The following L3MBTL4 variants were observed in gnomAD, a reference collection of about 807,000 sequenced individuals.
L3MBTL4 encodes the protein lethal(3)malignant brain tumor-like protein 4.
Under a neutral mutation model 84.5 loss-of-function variants are expected in L3MBTL4, and 70 were observed. The ratio of observed to expected loss-of-function variants is 0.83; its 90% CI spans 0.68 to 1.01. The LOEUF is 1.01. L3MBTL4 is among the 50% of genes least tolerant of loss of function. The pLI is 0.00. For synonymous variants in L3MBTL4, 274 were observed against 259.8 expected, an observed-to-expected ratio of 1.05 and a Z score of -0.52; for missense variants, 715 against 754.8, an observed-to-expected ratio of 0.95 and a Z score of 0.62.
At chr18:6,027,386 A>G (rs1215570414) in intron 16 of L3MBTL4, among the ~76,000 whole-genome samples, 1 of 152,228 alleles carries the variant, frequency 6.6e-6, no homozygotes, top group African/African-American at 2.4e-5. Flanking sequence ...TTATGGGTGC[A>G]TAGTATTCCA....
At chr18:6,401,411 C>T (rs2055505595) in intron 1 of L3MBTL4, among the ~76,000 whole-genome samples, 1 of 152,124 alleles carries the variant, frequency 6.6e-6, no homozygotes, top group South Asian at 2.1e-4. Flanking sequence ...CCTTGTTGCT[C>T]CTTACAGCAT....
chr18:6,219,613 T>C (rs1283417980), intron 10 of L3MBTL4, among the ~76,000 whole-genome samples: 17 of 151,186 alleles, frequency 1.1e-4, no homozygotes. Context: ...CAGCCCTGGA[T>C]TTCCTCATGG....
chr18:6,383,266 C>G (rs1401173091), intron 1 of L3MBTL4, among the ~76,000 whole-genome samples: 14 of 152,098 alleles, frequency 9.2e-5, no homozygotes, highest in African/African-American at 3.4e-4. Flanking sequence ...GTAGGACCTG[C>G]TGAGCCAGAC....
intron 10 of L3MBTL4, among the ~76,000 whole-genome samples, chr18:6,233,364 A>C (rs1373896772): frequency 6.7e-6 from 1 of 149,830 alleles, no homozygotes; most frequent in African/African-American, 2.6e-5. Flanking sequence ...CAATTAGGAA[A>C]AGAGGAAGGC....
chr18:6,195,465 GT>G (rs755706840), intron 12 of L3MBTL4, among the ~76,000 whole-genome samples: 6 of 152,198 alleles, frequency 3.9e-5, no homozygotes, highest in Non-Finnish European at 5.9e-5. Context: ...AGAGTTGTGT[GT>G]GGCTCGCGGA....
chr18:6,114,571 T>C (rs1439205859), intron 14 of L3MBTL4, among the ~76,000 whole-genome samples: 1 of 152,218 alleles, frequency 6.6e-6, no homozygotes, highest in Non-Finnish European at 1.5e-5. Context: ...CACAGCAATA[T>C]TTCAACCAAT....
intron 16 of L3MBTL4, among the ~76,000 whole-genome samples, chr18:5,977,627 C>T (rs2053009347): frequency 6.6e-6 from 1 of 152,246 alleles, no homozygotes; most frequent in Non-Finnish European, 1.5e-5. Flanking sequence ...GGAAGGAGCT[C>T]AGCCTCCAGC....
At chr18:6,412,378 A>C (rs2056003275) in intron 1 of L3MBTL4, among the ~76,000 whole-genome samples, 1 of 152,206 alleles carries the variant, frequency 6.6e-6, no homozygotes, top group Non-Finnish European at 1.5e-5. Context: ...ATTAACTGAA[A>C]GAATGAACAC....
chr18:6,029,464 G>T, intron 16 of L3MBTL4: 1 of 973,396 alleles, frequency 1.0e-6, no homozygotes, highest in South Asian at 4.8e-5. Flanking sequence ...AGAGATTACA[G>T]TGGCAGGATT....
At chr18:6,212,686 T>C (rs2046160244) in intron 12 of L3MBTL4, among the ~76,000 whole-genome samples, 1 of 152,160 alleles carries the variant, frequency 6.6e-6, no homozygotes, top group Non-Finnish European at 1.5e-5. Context: ...TCAAGCGAAA[T>C]AGAATAATGC....
chr18:6,031,000 C>A (rs1203065612), intron 16 of L3MBTL4: 1 of 985,298 alleles, frequency 1.0e-6, no homozygotes, highest in Non-Finnish European at 1.2e-6. Context: ...TTTCCCTTTA[C>A]CAAGCTGGTC....
intron 1 of L3MBTL4, among the ~76,000 whole-genome samples, chr18:6,327,380 A>C (rs1490358414): frequency 6.6e-6 from 1 of 152,244 alleles, no homozygotes; most frequent in Non-Finnish European, 1.5e-5. Flanking sequence ...TCAGTAGGAA[A>C]ATGAATAAAT....
At chr18:6,264,297 A>C (rs1453725099) in intron 4 of L3MBTL4, among the ~76,000 whole-genome samples, 1 of 152,164 alleles carries the variant, frequency 6.6e-6, no homozygotes, top group Non-Finnish European at 1.5e-5. Flanking sequence ...GTGAACTCTC[A>C]AGTTAGGTAC....
intron 16 of L3MBTL4, among the ~76,000 whole-genome samples, chr18:6,010,115 TCAA>T (rs1233903808): frequency 6.6e-6 from 1 of 152,010 alleles, no homozygotes; most frequent in Non-Finnish European, 1.5e-5. Context: ...GACTGGATGT[TCAA>T]CAAGGTGCGA....
intron 14 of L3MBTL4, among the ~76,000 whole-genome samples, chr18:6,131,830 C>T (rs920515480): frequency 1.3e-5 from 2 of 152,086 alleles, no homozygotes; most frequent in African/African-American, 4.8e-5. Flanking sequence ...TCTTTTAGAG[C>T]TATATAAATT....
chr18:5,964,862 C>T (rs1033452838), intron 17 of L3MBTL4, among the ~76,000 whole-genome samples: 1 of 152,180 alleles, frequency 6.6e-6, no homozygotes, highest in Non-Finnish European at 1.5e-5. Flanking sequence ...AACCCACCTG[C>T]CTATTCATTC....
rs564895620 is a variant in L3MBTL4 at position 6,286,985 on chromosome 18, T to A, written c.127+14918A>T. ...AGATTGAGGCTTCAGTGAAGGAACT[T>A]TTCCCCTTCAGTTGGATAAGGCAGC... On this transcript the variant is annotated intron_variant, in intron 4 of 18. Transcript: ENST00000317931. Among the ~76,000 whole-genome samples, 12 of 152,298 alleles carry A rather than the reference T, an allele frequency of 7.9e-5. No individual in the cohort carries two copies. In the East Asian group the frequency reaches 2.1e-3, roughly 27 times the overall value.
chr18:6,044,908 T>C lies in L3MBTL4; in HGVS notation c.1444+35973A>G, dbSNP rs571491899. ...TCTCCACAATCTATTTTCCTGTGCA[T>C]TTACTTTACATCTCCCCAGAAGACT... On this transcript the variant is annotated intron_variant, in intron 16 of 18. Transcript: ENST00000317931. Among the ~76,000 whole-genome samples, 48 of 152,316 alleles carry C rather than the reference T, an allele frequency of 3.2e-4. 1 individual carries two copies. The highest frequency in any genetic ancestry group is 1.1e-3 in the African/African-American group (47 of 41,576).
chr18:6,271,006 A>AG (rs1464661268), intron 4 of L3MBTL4, among the ~76,000 whole-genome samples: 1 of 152,168 alleles, frequency 6.6e-6, no homozygotes, highest in Non-Finnish European at 1.5e-5. Flanking sequence ...ACCTAAACAA[A>AG]GGGGGGCATG....
Sources: gnomAD v4.1 joint callset for allele counts (sites outside exome capture counted in the v4.1 genomes callset) on GRCh38, gnomAD v4.1.1 for gene constraint, MANE v1.5 for transcripts, NCBI Gene and HGNC (gene_info 2026-07-23, HGNC 2026-07-21) for gene names.